The following SDK1 variants were observed in gnomAD, a reference collection of about 807,000 sequenced individuals.
SDK1 encodes sidekick cell adhesion molecule 1.
A neutral mutation model predicts 245.5 loss-of-function variants in SDK1; 157 were observed. The observed-to-expected ratio is 0.64, with a 90% CI of 0.56 to 0.73. The LOEUF (loss-of-function observed/expected upper bound fraction) is 0.73, where lower values mean the gene tolerates loss of function less well. SDK1 is among the 30% of genes least tolerant of loss of function. The pLI, the probability that SDK1 is intolerant of heterozygous loss-of-function variation, is 0.00. For missense variants in SDK1, 3,583 were observed against 3,002.3 expected (o/e 1.19, Z -4.52); for synonymous variants, 1,647 against 1,278.5 (o/e 1.29, Z -6.15).
chr7:3,566,447 G>C (rs764707931), intron 1 of SDK1, among the ~76,000 whole-genome samples: 2 of 151,996 alleles, frequency 1.3e-5, no homozygotes, highest in African/African-American at 2.4e-5. Context: ...GGATGGTCTC[G>C]ATCTCCTGAC....
chr7:4,068,411 G>T (rs972637536), intron 20 of SDK1, among the ~76,000 whole-genome samples: 2 of 152,152 alleles, frequency 1.3e-5, no homozygotes, highest in African/African-American at 2.4e-5. Context: ...AGCCTTCTCA[G>T]ACACAGCCAG....
chr7:3,645,639 G>A (rs975644496), intron 4 of SDK1, among the ~76,000 whole-genome samples: 3 of 152,154 alleles, frequency 2.0e-5, no homozygotes, highest in Admixed American at 6.5e-5. Context: ...ATCTAGATGC[G>A]AAAACCCAAT....
At chr7:3,386,060 G>A (rs1781602881) in intron 1 of SDK1, among the ~76,000 whole-genome samples, 1 of 152,024 alleles carries the variant, frequency 6.6e-6, no homozygotes, top group Non-Finnish European at 1.5e-5. Context: ...TAAACGATGG[G>A]AAAATGTTTC....
chr7:4,010,400 T>C (rs897871780), intron 14 of SDK1, among the ~76,000 whole-genome samples: 1 of 152,198 alleles, frequency 6.6e-6, no homozygotes, highest in African/African-American at 2.4e-5. Context: ...GGTGGGAAGA[T>C]ATTCTAAGCT....
At chr7:3,454,131 G>C (rs772328264) in intron 1 of SDK1, among the ~76,000 whole-genome samples, 2 of 151,660 alleles carry the variant, frequency 1.3e-5, no homozygotes, top group Non-Finnish European at 2.9e-5. Flanking sequence ...ATATAAACTT[G>C]GACCCGAGAT....
intron 22 of SDK1, among the ~76,000 whole-genome samples, chr7:4,108,577 G>A (rs757879548): frequency 2.7e-4 from 41 of 152,116 alleles, no homozygotes; most frequent in Non-Finnish European, 3.5e-4. Flanking sequence ...GCCGACTTCC[G>A]GGGTATTCAT....
chr7:4,178,486 T>C lies in SDK1; in HGVS notation c.4998T>C (p.His1666=). 1.9e-6 allele frequency: 3 copies of C among 1,611,366 alleles called. No individual in the cohort carries two copies. Among genetic ancestry groups the C allele is most frequent in the Non-Finnish European group, 2.5e-6 (3 of 1,177,476 alleles). The stretch of plus-strand genomic sequence containing the variant: ...TCCATATTTCCTTCAACCCTGCAGA[T>C]TTAAAGAAGTACCGGCGCTATGAAG... The part of the protein sequence containing the change: ...SSTSTMCELT[H]LKKYRRYEVI... The change falls in exon 35 of 45, where the codon CAT becomes CAC. Residue 1666 remains histidine, a splice_region_variant and synonymous_variant. Transcript: ENST00000404826.
Position 4,225,162 on chromosome 7 carries a change from C to T in SDK1, c.5827+3798C>T, listed in dbSNP as rs145088169. Among the ~76,000 whole-genome samples the T allele has an allele frequency of 3.2e-3, 489 of 152,082 alleles. 5 individuals are homozygous for T. The highest frequency in any genetic ancestry group is 6.5e-3 in the South Asian group (31 of 4,804). ...AGAAGGAGGCATTCTGGATCTCGAC[C>T]GCATCCCTGCCCATGTCCCAGTTGT... On this transcript the variant is annotated intron_variant, in intron 40 of 44. Coordinates refer to ENST00000404826, the MANE Select transcript of SDK1 (RefSeq NM_152744.4).
At chr7:3,484,337 G>A (rs1781611733) in intron 1 of SDK1, among the ~76,000 whole-genome samples, 3 of 152,038 alleles carry the variant, frequency 2.0e-5, no homozygotes, top group Admixed American at 2.0e-4. Flanking sequence ...TTCACTGGAT[G>A]CGAAACCTAC....
intron 44 of SDK1, among the ~76,000 whole-genome samples, chr7:4,254,871 C>T (rs1787532529): frequency 6.6e-6 from 1 of 152,134 alleles, no homozygotes; most frequent in South Asian, 2.1e-4. Flanking sequence ...AGTCTTGCTG[C>T]CTACCAGGGA....
chr7:4,061,045 C>T (rs1188030220), intron 19 of SDK1, among the ~76,000 whole-genome samples: 1 of 152,142 alleles, frequency 6.6e-6, no homozygotes, highest in African/African-American at 2.4e-5. Context: ...GATACTGGAG[C>T]CTTGTAGTAT....
At chr7:4,119,634 G>C (rs189237418) in intron 25 of SDK1, among the ~76,000 whole-genome samples, 1 of 148,930 alleles carries the variant, frequency 6.7e-6, no homozygotes, top group East Asian at 1.9e-4. Context: ...AAAACAAAAA[G>C]AAAATACACA....
chr7:3,639,540 GA>G, intron 3 of SDK1, among the ~76,000 whole-genome samples: 1 of 152,280 alleles, frequency 6.6e-6, no homozygotes, highest in East Asian at 1.9e-4. Context: ...AAGGTACATG[GA>G]TAGTGAGCGT....
intron 4 of SDK1, among the ~76,000 whole-genome samples, chr7:3,716,655 G>A (rs1438947036): frequency 6.6e-6 from 1 of 151,846 alleles, no homozygotes; most frequent in East Asian, 1.9e-4. Context: ...AGCTACTCAG[G>A]AGGCTGAGGT....
At position 4,237,432 on chromosome 7, in the gene SDK1, G is replaced by A. The variant is rs143513402; in HGVS notation, c.5993-215G>A. Among the ~76,000 whole-genome samples the A allele has an allele frequency of 3.8e-3, 576 of 152,130 alleles. 5 individuals are homozygous for A. Among genetic ancestry groups the A allele is most frequent in the African/African-American group, 0.013 (557 of 41,508 alleles). On this transcript the variant is annotated intron_variant, in intron 41 of 44. Transcript: ENST00000404826. ...TCCCACAGAAAAGGTGGCAAATGGGGGCTGTTGAATTCCCAAAGCCTGCTG... is the reference window on the plus strand; with the variant it reads ...TCCCACAGAAAAGGTGGCAAATGGGAGCTGTTGAATTCCCAAAGCCTGCTG...
chr7:3,664,176 C>T (rs910015323), intron 4 of SDK1, among the ~76,000 whole-genome samples: 1 of 152,058 alleles, frequency 6.6e-6, no homozygotes, highest in African/African-American at 2.4e-5. Flanking sequence ...GAATGCTTGA[C>T]AAAAACATAC....
At chr7:4,077,822 A>G (rs1363198908) in intron 21 of SDK1, among the ~76,000 whole-genome samples, 2 of 152,184 alleles carry the variant, frequency 1.3e-5, no homozygotes, top group Non-Finnish European at 2.9e-5. Context: ...CTCATGACAC[A>G]TGGGAAATGT....
intron 4 of SDK1, among the ~76,000 whole-genome samples, chr7:3,767,645 C>A (rs897141705): frequency 6.6e-6 from 1 of 152,122 alleles, no homozygotes; most frequent in Non-Finnish European, 1.5e-5. Context: ...CTTCTCATCA[C>A]TTTACAGATG....
chr7:3,650,663 G>C (rs1038378807), intron 4 of SDK1, among the ~76,000 whole-genome samples: 2 of 152,058 alleles, frequency 1.3e-5, no homozygotes, highest in Non-Finnish European at 2.9e-5. Context: ...GTCAATACTA[G>C]GATTTCTCTT....
Sources: gnomAD v4.1 joint callset for allele counts (sites outside exome capture counted in the v4.1 genomes callset) on GRCh38, gnomAD v4.1.1 for gene constraint, MANE v1.5 for transcripts, NCBI Gene and HGNC (gene_info 2026-07-23, HGNC 2026-07-21) for gene names.